Variants in LUZP2 observed in about 807,000 individuals in gnomAD.
LUZP2 encodes the protein leucine zipper protein 2.
Under a neutral mutation model 51.6 loss-of-function variants are expected in LUZP2, and 52 were observed. The ratio of observed to expected loss-of-function variants is 1.01; its 90% CI spans 0.81 to 1.27. LUZP2 has a LOEUF of 1.27. Ranked by LOEUF, LUZP2 falls within the 50% of genes most tolerant of loss-of-function variation. LUZP2 has a pLI of 0.00. For synonymous variants in LUZP2, 154 were observed against 137.3 expected, an observed-to-expected ratio of 1.12 and a Z score of -0.85; for missense variants, 436 against 395.4, an observed-to-expected ratio of 1.10 and a Z score of -0.87.
At chr11:24,673,322 C>G (rs1479763961) in intron 1 of LUZP2, among the ~76,000 whole-genome samples, 1 of 152,116 alleles carries the variant, frequency 6.6e-6, no homozygotes, top group Non-Finnish European at 1.5e-5. Context: ...ATGTGGTACA[C>G]GACTATATAT....
At chr11:25,049,914 G>T (rs896772345) in intron 9 of LUZP2, 124 bp from the exon 10 acceptor site, 1 of 424,216 alleles carries the variant, frequency 2.4e-6, no homozygotes. Context: ...GTTTTATTTT[G>T]ATTGTAATGT....
At chr11:24,999,798 TG>T (rs1373636678) in intron 9 of LUZP2, among the ~76,000 whole-genome samples, 2 of 152,204 alleles carry the variant, frequency 1.3e-5, no homozygotes, top group Non-Finnish European at 2.9e-5. Flanking sequence ...TCTGGTGGGT[TG>T]TTGGTCTCAC....
At chr11:24,884,101 C>A (rs1852586017) in intron 5 of LUZP2, among the ~76,000 whole-genome samples, 1 of 151,902 alleles carries the variant, frequency 6.6e-6, no homozygotes, top group Non-Finnish European at 1.5e-5. Context: ...CTGATCTTTC[C>A]TAATGATTTT....
At chr11:24,610,626 G>T (rs929198979) in intron 1 of LUZP2, among the ~76,000 whole-genome samples, 1 of 152,130 alleles carries the variant, frequency 6.6e-6, no homozygotes, top group East Asian at 1.9e-4. Flanking sequence ...TACTTAAAGA[G>T]TAAACTTTTC....
intron 7 of LUZP2, among the ~76,000 whole-genome samples, chr11:24,969,990 C>A (rs1476455987): frequency 6.6e-6 from 1 of 152,070 alleles, no homozygotes; most frequent in African/African-American, 2.4e-5. Flanking sequence ...ATGAACCATG[C>A]ATTTGTACTT....
rs568100405 is a variant in LUZP2, at chr11:24,690,957, G to C, written c.63-38212G>C. On this transcript the variant is annotated intron_variant, in intron 1 of 11. Transcript: ENST00000336930. ...ATAATTCAGTTTTCATCAATGTCTA[G>C]ATGTTTTCTGTTTAACAACAACATA... is the stretch of plus-strand genomic sequence containing the variant. Among the ~76,000 whole-genome samples the C allele has an allele frequency of 2.2e-4, 34 of 152,134 alleles. No individual in the cohort carries two copies. In the South Asian group the frequency reaches 6.8e-3, roughly 31 times the overall value.
chr11:25,077,099 C>G (rs528400168), intron 10 of LUZP2, among the ~76,000 whole-genome samples: 26 of 152,250 alleles, frequency 1.7e-4, no homozygotes, highest in African/African-American at 3.1e-4. Context: ...TTTGTAGTAG[C>G]TGACTGCCAT....
At chr11:24,757,324 T>C (rs183289415) in intron 4 of LUZP2, among the ~76,000 whole-genome samples, 2 of 152,220 alleles carry the variant, frequency 1.3e-5, no homozygotes, top group East Asian at 1.9e-4. Flanking sequence ...TATTAAACTC[T>C]ATTTTAATAA....
intron 7 of LUZP2, among the ~76,000 whole-genome samples, chr11:24,924,168 C>A (rs1854159308): frequency 6.6e-6 from 1 of 151,804 alleles, no homozygotes; most frequent in South Asian, 2.1e-4. Flanking sequence ...ACCTCTGCCT[C>A]CCGCGTTCAA....
intron 4 of LUZP2, among the ~76,000 whole-genome samples, chr11:24,759,826 A>G (rs2134025759): frequency 6.6e-6 from 1 of 152,282 alleles, no homozygotes; most frequent in African/African-American, 2.4e-5. Context: ...TGTAAATCAA[A>G]AAGTATCTGA....
intron 7 of LUZP2, 53 bp downstream of exon 7, chr11:24,914,591 T>G: frequency 8.6e-7 from 1 of 1,161,710 alleles, no homozygotes; most frequent in South Asian, 1.4e-5. Context: ...ATACCTAAAA[T>G]ATCAAAAACA....
intron 5 of LUZP2, among the ~76,000 whole-genome samples, chr11:24,777,060 T>C (rs1848949172): frequency 6.7e-6 from 1 of 150,288 alleles, no homozygotes; most frequent in Non-Finnish European, 1.5e-5. Context: ...AGTGGTGTGA[T>C]CTCGGCTCAC....
chr11:24,809,023 A>C (rs1293907707), intron 5 of LUZP2, among the ~76,000 whole-genome samples: 1 of 152,106 alleles, frequency 6.6e-6, no homozygotes, highest in East Asian at 1.9e-4. Flanking sequence ...TTTGGAAAAC[A>C]CAGATTGTTA....
At chr11:24,606,631 C>G (rs1853928149) in intron 1 of LUZP2, among the ~76,000 whole-genome samples, 1 of 151,938 alleles carries the variant, frequency 6.6e-6, no homozygotes, top group African/African-American at 2.4e-5. Context: ...TGATATTTCT[C>G]TGAGTTAGTG....
chr11:24,541,117 G>T (rs985864770), intron 1 of LUZP2, among the ~76,000 whole-genome samples: 2 of 151,920 alleles, frequency 1.3e-5, no homozygotes, highest in African/African-American at 4.8e-5. Flanking sequence ...GCCGGGCGTG[G>T]TGGTGGGCGC....
intron 1 of LUZP2, among the ~76,000 whole-genome samples, chr11:24,564,613 T>C (rs970728994): frequency 6.6e-6 from 1 of 152,076 alleles, no homozygotes; most frequent in African/African-American, 2.4e-5. Flanking sequence ...CCAAGTGAAA[T>C]TGGGACAATT....
intron 5 of LUZP2, among the ~76,000 whole-genome samples, chr11:24,824,600 G>A (rs2046537): frequency 2.0e-5 from 3 of 151,724 alleles, no homozygotes; most frequent in African/African-American, 7.3e-5. Context: ...CATGGTTGTA[G>A]AATTTGCTTC....
At chr11:24,609,622 C>T (rs891693171) in intron 1 of LUZP2, among the ~76,000 whole-genome samples, 3 of 147,478 alleles carry the variant, frequency 2.0e-5, no homozygotes, top group African/African-American at 5.0e-5. Context: ...CCCAGCTACT[C>T]GGAAGGCTGA....
intron 9 of LUZP2, among the ~76,000 whole-genome samples, chr11:25,041,805 C>A (rs1858068368): frequency 6.6e-6 from 1 of 152,176 alleles, no homozygotes; most frequent in South Asian, 2.1e-4. Flanking sequence ...GGAAGCCGGC[C>A]ACACAGCAAG....
Sources: gnomAD v4.1 joint callset for allele counts (sites outside exome capture counted in the v4.1 genomes callset) on GRCh38, gnomAD v4.1.1 for gene constraint, MANE v1.5 for transcripts, NCBI Gene and HGNC (gene_info 2026-07-23, HGNC 2026-07-21) for gene names.